Variants in SLC35F4 observed in about 807,000 individuals in gnomAD.
SLC35F4 encodes the protein solute carrier family 35 member F4.
Under a neutral mutation model 44.2 loss-of-function variants are expected in SLC35F4, and 24 were observed. The ratio of observed to expected loss-of-function variants is 0.54; its 90% CI spans 0.39 to 0.76. The LOEUF (loss-of-function observed/expected upper bound fraction) is 0.76, where lower values mean the gene tolerates loss of function less well. Ranked by LOEUF, SLC35F4 falls within the 30% of genes least tolerant of loss-of-function variation. The pLI is 0.00. For missense variants in SLC35F4, 562 were observed against 586.1 expected (o/e 0.96, Z 0.42); for synonymous variants, 238 against 223.6 (o/e 1.06, Z -0.57).
At chr14:57,923,824 C>G (rs368693437) in intron 1 of SLC35F4, among the ~76,000 whole-genome samples, 10 of 152,298 alleles carry the variant, frequency 6.6e-5, no homozygotes, top group African/African-American at 2.2e-4. Context: ...CTGTCTTAGT[C>G]CATTTTGTGT....
chr14:57,908,809 T>C (rs1017149077), intron 1 of SLC35F4, among the ~76,000 whole-genome samples: 1 of 152,262 alleles, frequency 6.6e-6, no homozygotes, highest in Admixed American at 6.5e-5. Context: ...TTGTCAATTT[T>C]GGCTTTTGTT....
At chr14:57,884,996 C>A (rs1888617177) in intron 1 of SLC35F4, among the ~76,000 whole-genome samples, 1 of 152,120 alleles carries the variant, frequency 6.6e-6, no homozygotes, top group African/African-American at 2.4e-5. Context: ...TTCTCAAAAA[C>A]AGCTGATTAG....
intron 1 of SLC35F4, among the ~76,000 whole-genome samples, chr14:57,697,753 C>T (rs2075424404): frequency 6.6e-6 from 1 of 151,666 alleles, no homozygotes; most frequent in South Asian, 2.1e-4. Context: ...TTGTTAAATT[C>T]CATTGCCAGA....
intron 1 of SLC35F4, among the ~76,000 whole-genome samples, chr14:57,632,680 G>T (rs1405923356): frequency 6.6e-6 from 1 of 151,850 alleles, no homozygotes; most frequent in East Asian, 1.9e-4. Flanking sequence ...TTACATTAGG[G>T]TTCACTCTTG....
chr14:57,599,852 G>A (rs952377358), intron 1 of SLC35F4, among the ~76,000 whole-genome samples: 2 of 150,804 alleles, frequency 1.3e-5, no homozygotes, highest in South Asian at 2.1e-4. Flanking sequence ...AGGGAGGAGA[G>A]GGTTGCTTGG....
intron 1 of SLC35F4, among the ~76,000 whole-genome samples, chr14:57,963,985 G>C (rs1890386866): frequency 6.6e-6 from 1 of 151,984 alleles, no homozygotes; most frequent in South Asian, 2.1e-4. Flanking sequence ...GCCTCCCAAA[G>C]TGCTGGGATT....
intron 1 of SLC35F4, among the ~76,000 whole-genome samples, chr14:57,696,307 C>T (rs1461592182): frequency 3.3e-5 from 5 of 152,064 alleles, no homozygotes; most frequent in African/African-American, 1.2e-4. Flanking sequence ...AGCCAACAAA[C>T]ATGAAAAAAA....
At chr14:57,767,509 C>T (rs1193527935) in intron 1 of SLC35F4, among the ~76,000 whole-genome samples, 1 of 151,846 alleles carries the variant, frequency 6.6e-6, no homozygotes, top group African/African-American at 2.4e-5. Flanking sequence ...AATGAAAATA[C>T]AACATATCAA....
At chr14:57,928,995 C>A (rs1261179841) in intron 1 of SLC35F4, among the ~76,000 whole-genome samples, 2 of 152,140 alleles carry the variant, frequency 1.3e-5, no homozygotes, top group Admixed American at 6.5e-5. Context: ...ATGACCAAAT[C>A]TGAACATTAG....
chr14:57,954,865 C>G (rs1426727710), intron 1 of SLC35F4, among the ~76,000 whole-genome samples: 1 of 150,632 alleles, frequency 6.6e-6, no homozygotes, highest in Non-Finnish European at 1.5e-5. Context: ...GGAACTGGTA[C>G]CATTCCTTTT....
chr14:57,612,481 A>G (rs968747046), intron 1 of SLC35F4, among the ~76,000 whole-genome samples: 4 of 152,176 alleles, frequency 2.6e-5, no homozygotes, highest in African/African-American at 7.2e-5. Context: ...GCATTCCTTG[A>G]CCATTTTCCC....
chr14:57,763,142 C>T (rs1416301368), intron 1 of SLC35F4, among the ~76,000 whole-genome samples: 1 of 152,124 alleles, frequency 6.6e-6, no homozygotes, highest in African/African-American at 2.4e-5. Context: ...CTAGTTCCAT[C>T]ATTAATGTGT....
chr14:57,780,890 T>C (rs982829390), intron 1 of SLC35F4, among the ~76,000 whole-genome samples: 8 of 151,874 alleles, frequency 5.3e-5, no homozygotes, highest in African/African-American at 1.9e-4. Flanking sequence ...CTGGACCACT[T>C]CCTTATGCCA....
chr14:57,920,986 G>C (rs1889429102), intron 1 of SLC35F4, among the ~76,000 whole-genome samples: 1 of 152,162 alleles, frequency 6.6e-6, no homozygotes, highest in African/African-American at 2.4e-5. Context: ...ATCATTGAAA[G>C]GAAGAACAAT....
chr14:57,660,016 A>C (rs1265640264), intron 1 of SLC35F4, among the ~76,000 whole-genome samples: 1 of 152,190 alleles, frequency 6.6e-6, no homozygotes, highest in Non-Finnish European at 1.5e-5. Flanking sequence ...CAGGTCCACA[A>C]GAAATGTGAG....
intron 1 of SLC35F4, among the ~76,000 whole-genome samples, chr14:57,665,542 G>A (rs950224752): frequency 6.6e-6 from 1 of 152,126 alleles, no homozygotes; most frequent in Non-Finnish European, 1.5e-5. Flanking sequence ...GATTGATTTC[G>A]CTAATCACAG....
intron 1 of SLC35F4, among the ~76,000 whole-genome samples, chr14:57,620,376 G>A (rs147303314): frequency 0.022 from 3,396 of 152,150 alleles, 69 homozygotes; most frequent in South Asian, 0.048. Context: ...AGAGGGTGGG[G>A]GCCAATATTC....
At chr14:57,643,171 C>T (rs2073328280) in intron 1 of SLC35F4, among the ~76,000 whole-genome samples, 3 of 151,820 alleles carry the variant, frequency 2.0e-5, no homozygotes, top group South Asian at 2.1e-4. Context: ...AACACTTAAG[C>T]AAGTATAGTA....
At position 57,566,258 on chromosome 14, in the gene SLC35F4, A is replaced by G. The variant is rs190763546; in HGVS notation, c.1216+217T>C. 2.3e-3 allele frequency among the ~76,000 whole-genome samples: 352 copies of G among 152,336 alleles called. 2 individuals are homozygous for G. The highest frequency in any genetic ancestry group is 7.9e-3 in the African/African-American group (330 of 41,580). ...AATGATACATTTGGTATTTAATTCT[A>G]AAAGCACAACCAAGTAAAAACAGTG... On this transcript the variant is annotated intron_variant, in intron 7 of 7. Transcript: ENST00000556826.
Sources: gnomAD v4.1 joint callset for allele counts (sites outside exome capture counted in the v4.1 genomes callset) on GRCh38, gnomAD v4.1.1 for gene constraint, MANE v1.5 for transcripts, NCBI Gene and HGNC (gene_info 2026-07-23, HGNC 2026-07-21) for gene names.